MYBL2: variants seen among roughly 807,000 people sequenced by gnomAD.
MYBL2 encodes the protein MYB proto-oncogene like 2.
MYBL2 carries 28 observed loss-of-function variants against 79.9 expected under a neutral mutation model. That is an observed-to-expected ratio of 0.35 (90% CI 0.26 to 0.48). The LOEUF is 0.48. Ranked by LOEUF, MYBL2 falls within the 20% of genes least tolerant of loss-of-function variation. MYBL2 has a pLI of 0.99. For synonymous variants in MYBL2, 378 were observed against 361.2 expected (o/e 1.05, Z -0.53); for missense variants, 735 against 893.9 (o/e 0.82, Z 2.27).
At chr20:43,674,339 C>T (rs1450163610) in intron 2 of MYBL2, among the ~76,000 whole-genome samples, 1 of 146,732 alleles carries the variant, frequency 6.8e-6, no homozygotes, top group African/African-American at 2.5e-5. Flanking sequence ...TGGGTTCAAG[C>T]GATTCTCCTG....
At position 43,716,060 on chromosome 20, in the gene MYBL2, C is replaced by T. The variant is rs767065467; in HGVS notation, c.2076C>T (p.His692=). ...RQLLGRLKPS[H]TSRTLILS Reference sequence around the variant, plus strand: ...TCCTGGGCCGCCTGAAGCCCAGCCACACATCTCGGACCCTCATCTTGTCCT... The same window carrying T: ...TCCTGGGCCGCCTGAAGCCCAGCCATACATCTCGGACCCTCATCTTGTCCT... The change falls in exon 14 of 14, where the codon CAC becomes CAT. Residue 692 remains histidine (H), a synonymous_variant. Coordinates refer to ENST00000217026, the MANE Select transcript of MYBL2 (RefSeq NM_002466.4). 2 of 1,609,602 alleles carry T rather than the reference C, an allele frequency of 1.2e-6. No homozygotes were observed. Among genetic ancestry groups the T allele is most frequent in the Non-Finnish European group, 1.7e-6 (2 of 1,179,830 alleles).
intron 6 of MYBL2, among the ~76,000 whole-genome samples, chr20:43,695,920 T>A (rs566450797): frequency 6.6e-6 from 1 of 152,242 alleles, no homozygotes; most frequent in East Asian, 1.9e-4. Context: ...TGAGGCACGA[T>A]AATTGAGAAT....
intron 5 of MYBL2, 46 bp downstream of exon 5, chr20:43,687,118 G>T (rs924118623): frequency 5.7e-6 from 9 of 1,583,902 alleles, no homozygotes; most frequent in East Asian, 2.3e-5. Flanking sequence ...GGGAGGCCAG[G>T]CCCGTGTTTC....
chr20:43,696,625 G>T (rs568802432), intron 6 of MYBL2, among the ~76,000 whole-genome samples: 2 of 152,296 alleles, frequency 1.3e-5, no homozygotes, highest in Non-Finnish European at 2.9e-5. Flanking sequence ...TGAATTTGCC[G>T]TATCTTATTT....
intron 2 of MYBL2, among the ~76,000 whole-genome samples, chr20:43,674,234 C>CCCTTTTT (rs33986259): frequency 5.5e-5 from 4 of 72,230 alleles, no homozygotes; most frequent in East Asian, 4.6e-4. Flanking sequence ...TCCCCCCACC[C>CCCTTTTT]TTTTTTTTTT....
intron 2 of MYBL2, among the ~76,000 whole-genome samples, chr20:43,680,404 A>G (rs567458438): frequency 6.6e-6 from 1 of 152,356 alleles, no homozygotes. Flanking sequence ...GACTTAGCAT[A>G]GTGTCCTCAG....
At chr20:43,671,463 A>ATTTTTTTTTT (rs376522569) in intron 1 of MYBL2, among the ~76,000 whole-genome samples, 2 of 70,868 alleles carry the variant, frequency 2.8e-5, no homozygotes, top group Non-Finnish European at 5.2e-5. Flanking sequence ...GCTGATTTCC[A>ATTTTTTTTTT]TTTTTTTTTT....
At chr20:43,693,042 G>GC (rs1050991385) in intron 6 of MYBL2, among the ~76,000 whole-genome samples, 1 of 151,658 alleles carries the variant, frequency 6.6e-6, no homozygotes, top group African/African-American at 2.4e-5. Context: ...TTTGCAGGCT[G>GC]TTTTTTTTGA....
At chr20:43,691,177 C>T (rs1332141561) in intron 5 of MYBL2, among the ~76,000 whole-genome samples, 1 of 152,138 alleles carries the variant, frequency 6.6e-6, no homozygotes, top group Non-Finnish European at 1.5e-5. Flanking sequence ...GGCCTTGCAT[C>T]TGAGGTCAGC....
Position 43,716,133 on chromosome 20 carries a change from TG to T in MYBL2, c.*51del. On this transcript the variant is annotated 3_prime_UTR_variant, in exon 14 of 14. Coordinates refer to ENST00000217026, the MANE Select transcript of MYBL2 (RefSeq NM_002466.4). ...CCCATTCTCATGTTTACAGGGGTTG[TG>T]GGGGCAGAGGGGGTCTGTGAATCTG... 1 of 1,596,686 alleles carries T rather than the reference TG, an allele frequency of 6.3e-7. No individual in the cohort carries two copies. The highest frequency in any genetic ancestry group is 8.5e-7 in the Non-Finnish European group (1 of 1,178,156).
At chr20:43,694,594 T>G (rs999996966) in intron 6 of MYBL2, among the ~76,000 whole-genome samples, 2 of 152,234 alleles carry the variant, frequency 1.3e-5, no homozygotes, top group Non-Finnish European at 1.5e-5. Flanking sequence ...TGCCTCTATT[T>G]CTTGAATTTT....
intron 6 of MYBL2, among the ~76,000 whole-genome samples, chr20:43,698,661 ATTTT>A (rs1188859456): frequency 2.2e-4 from 26 of 115,908 alleles, no homozygotes; most frequent in African/African-American, 7.3e-4. Context: ...TACAGGCGTG[ATTTT>A]TTTTTTTTTT....
chr20:43,688,059 C>A (rs1472712788), intron 5 of MYBL2, among the ~76,000 whole-genome samples: 1 of 151,456 alleles, frequency 6.6e-6, no homozygotes, highest in Non-Finnish European at 1.5e-5. Flanking sequence ...GAAAGCATTC[C>A]ATGATCTTTT....
At chr20:43,704,802 A>G (rs1987743836) in intron 8 of MYBL2, among the ~76,000 whole-genome samples, 1 of 152,200 alleles carries the variant, frequency 6.6e-6, no homozygotes, top group Non-Finnish European at 1.5e-5. Flanking sequence ...AGCACTGGCA[A>G]GAGAAGGTGC....
At chr20:43,670,997 C>G (rs1986841992) in intron 1 of MYBL2, among the ~76,000 whole-genome samples, 1 of 144,848 alleles carries the variant, frequency 6.9e-6, no homozygotes, top group African/African-American at 2.7e-5. Context: ...GAGACGGAGT[C>G]TCCCTCTGTT....
intron 7 of MYBL2, 83 bp from the exon 8 acceptor site, chr20:43,702,407 C>T (rs1042272502): frequency 7.0e-7 from 1 of 1,423,872 alleles, no homozygotes; most frequent in African/African-American, 1.4e-5. Context: ...TCATACTTGA[C>T]ACTTAAATAT....
At chr20:43,713,573 G>GGTTTCTCCATGTTGGTC (rs1987962521) in intron 12 of MYBL2, among the ~76,000 whole-genome samples, 1 of 152,086 alleles carries the variant, frequency 6.6e-6, no homozygotes, top group Non-Finnish European at 1.5e-5. Context: ...CTTTAGTAGA[G>GGTTTCTCCATGTTGGTC]ACGGGGTTTC....
rs768184681 is a variant in MYBL2, at chr20:43,692,296, A to C, written c.640A>C (p.Ser214Arg). ...LELEDKDGLQSAQPTEGQGSL... is the reference protein window; with the variant it reads ...LELEDKDGLQRAQPTEGQGSL... ...GCTCGAGGACAAGGACGGCCTCCAGAGTGCCCAGCCCACGGAAGGCCAGGT... is the reference window on the plus strand; with the variant it reads ...GCTCGAGGACAAGGACGGCCTCCAGCGTGCCCAGCCCACGGAAGGCCAGGT... The change falls in exon 6 of 14, where the codon AGT (serine) becomes CGT (arginine). Residue 214 changes from serine (S) to arginine (R), a missense_variant. Ser to Arg is a moderately radical substitution (Grantham distance 110). Coordinates refer to ENST00000217026, the MANE Select transcript of MYBL2 (RefSeq NM_002466.4). 3 of 1,614,068 alleles carry C rather than the reference A, an allele frequency of 1.9e-6. No homozygotes were observed. Among genetic ancestry groups the C allele is most frequent in the Non-Finnish European group, 1.7e-6 (2 of 1,180,034 alleles).
At chr20:43,692,895 C>T (rs1323446334) in intron 6 of MYBL2, among the ~76,000 whole-genome samples, 1 of 152,194 alleles carries the variant, frequency 6.6e-6, no homozygotes, top group Non-Finnish European at 1.5e-5. Flanking sequence ...ATACAACAGT[C>T]CCATCACCCC....
Sources: allele counts gnomAD v4.1 joint callset (sites outside exome capture counted in the v4.1 genomes callset), GRCh38; gene constraint gnomAD v4.1.1; transcripts MANE v1.5; gene names NCBI Gene and HGNC (gene_info 2026-07-23, HGNC 2026-07-21).